Variants in PEAK1 observed in about 807,000 individuals in gnomAD.
PEAK1 encodes the protein pseudopodium enriched atypical kinase 1.
Under a neutral mutation model 124.7 loss-of-function variants are expected in PEAK1, and 54 were observed. The observed-to-expected ratio is 0.43, with a 90% CI of 0.35 to 0.54. The LOEUF is 0.54. Among genes scored for constraint, PEAK1 ranks in the 20% least tolerant of loss-of-function variants. The probability of loss-of-function intolerance (pLI) is 0.01; values close to 1 mark genes in which losing one functional copy is unlikely to be tolerated. For synonymous variants in PEAK1, 719 were observed against 760.0 expected (o/e 0.95, Z 0.89); for missense variants, 2,046 against 2,134.5 (o/e 0.96, Z 0.82).
intron 1 of PEAK1, among the ~76,000 whole-genome samples, chr15:77,400,630 T>A (rs1283300872): frequency 6.6e-6 from 1 of 152,162 alleles, no homozygotes; most frequent in Non-Finnish European, 1.5e-5. Flanking sequence ...CTCATGGGGA[T>A]GAATTTATCA....
intron 2 of PEAK1, among the ~76,000 whole-genome samples, chr15:77,362,931 C>G (rs1237368681): frequency 6.6e-6 from 1 of 152,176 alleles, no homozygotes; most frequent in Non-Finnish European, 1.5e-5. Flanking sequence ...TCTTGGCTCA[C>G]TGCAACCTCC....
intron 2 of PEAK1, chr15:77,352,497 G>A (rs897544173): frequency 3.1e-5 from 31 of 984,778 alleles, no homozygotes; most frequent in Non-Finnish European, 3.6e-5. Flanking sequence ...GAGAGAGCCT[G>A]GACATTTTGC....
At chr15:77,195,261 C>T (rs1442038970) in intron 6 of PEAK1, among the ~76,000 whole-genome samples, 1 of 152,054 alleles carries the variant, frequency 6.6e-6, no homozygotes, top group Non-Finnish European at 1.5e-5. Context: ...CTTTGGCCAA[C>T]TAGAATTCAT....
At chr15:77,143,398 AGAGAGATGTTTTT>A (rs772670816) in intron 8 of PEAK1, among the ~76,000 whole-genome samples, 17 of 152,262 alleles carry the variant, frequency 1.1e-4, no homozygotes, top group Non-Finnish European at 1.9e-4. Flanking sequence ...ACAAACCACT[AGAGAGATGTTTTT>A]CAAACGCCAA....
At chr15:77,419,713 G>C in intron 1 of PEAK1, 1 of 970,764 alleles carries the variant, frequency 1.0e-6, no homozygotes, top group Non-Finnish European at 1.2e-6. Context: ...CCTCTGGGGG[G>C]CGTCGCGCTC....
intron 2 of PEAK1, among the ~76,000 whole-genome samples, chr15:77,309,636 T>A (rs1161099092): frequency 6.6e-6 from 1 of 152,152 alleles, no homozygotes; most frequent in Non-Finnish European, 1.5e-5. Context: ...TTCCTTCAAC[T>A]ATCCTCTGTC....
At chr15:77,176,643 A>G (rs2056894663) in intron 7 of PEAK1, among the ~76,000 whole-genome samples, 1 of 152,226 alleles carries the variant, frequency 6.6e-6, no homozygotes, top group African/African-American at 2.4e-5. Context: ...AAACGGATAC[A>G]TTTTGGAAGA....
At chr15:77,115,878 T>C (rs2051324524) in intron 9 of PEAK1, among the ~76,000 whole-genome samples, 1 of 152,200 alleles carries the variant, frequency 6.6e-6, no homozygotes, top group East Asian at 1.9e-4. Context: ...AACTTTTCAA[T>C]GAATGTCATT....
intron 2 of PEAK1, among the ~76,000 whole-genome samples, chr15:77,301,405 C>A (rs755465640): frequency 1.8e-4 from 27 of 152,174 alleles, no homozygotes; most frequent in Non-Finnish European, 3.8e-4. Flanking sequence ...TGCAGAGGCA[C>A]TTTTTACAAA....
intron 9 of PEAK1, among the ~76,000 whole-genome samples, chr15:77,123,562 A>G (rs1180016100): frequency 6.6e-6 from 1 of 152,140 alleles, no homozygotes; most frequent in African/African-American, 2.4e-5. Flanking sequence ...TTAGTTTCCC[A>G]CTGTGTAGAA....
At chr15:77,348,265 C>T (rs1213109888) in intron 2 of PEAK1, 12 of 925,630 alleles carry the variant, frequency 1.3e-5, no homozygotes, top group Non-Finnish European at 1.5e-5. Flanking sequence ...TAGCGTACAA[C>T]ATCCCTGAGT....
chr15:77,228,031 T>C (rs537047302), intron 6 of PEAK1, among the ~76,000 whole-genome samples: 1 of 152,166 alleles, frequency 6.6e-6, no homozygotes, highest in East Asian at 1.9e-4. Context: ...ATATTCTACA[T>C]ATATATTTTA....
At position 77,110,146 on chromosome 15, in the gene PEAK1, G is replaced by C. The variant is rs1441464818; in HGVS notation, c.*4010C>G. On this transcript the variant is annotated 3_prime_UTR_variant, in exon 10 of 10. Coordinates refer to ENST00000682557, the MANE Select transcript of PEAK1 (RefSeq NM_001385026.1). ...GTTGCTCAATCTCCCAGGCTGGAGT[G>C]CGATGGCGTGATCTTGGCTCACTGC... is the stretch of plus-strand genomic sequence containing the variant. The C allele has an allele frequency of 1.8e-4, 27 of 152,194 alleles. No homozygotes were observed. The highest frequency in any genetic ancestry group is 1.5e-5 in the Non-Finnish European group (1 of 68,048). 9.4% of individuals were successfully genotyped at this position (152,194 alleles called of 1,614,324 possible).
chr15:77,135,416 A>AAAT (rs1488402605), intron 8 of PEAK1, among the ~76,000 whole-genome samples: 1 of 152,178 alleles, frequency 6.6e-6, no homozygotes, highest in Non-Finnish European at 1.5e-5. Flanking sequence ...AATTACGCAA[A>AAAT]AATCATAGAG....
In PEAK1 at chr15:77,335,501, G is replaced by C. The variant is rs1031514624; in HGVS notation, c.-603+29662C>G. 3.0e-6 allele frequency: 3 copies of C among 984,936 alleles called. No homozygotes were observed. The African/African-American group carries it at 5.2e-5, about 17-fold the overall frequency. 61.0% of individuals were successfully genotyped at this position (984,936 alleles called of 1,614,324 possible). The stretch of plus-strand genomic sequence containing the variant: ...TGATGCTTACTACTTTGTTTCAAGA[G>C]ACAGGGTCTGGCTTGTTGCCCAGGT... On this transcript the variant is annotated intron_variant, in intron 2 of 9. Transcript: ENST00000682557.
At chr15:77,255,280 G>T in intron 5 of PEAK1, 1 of 756,064 alleles carries the variant, frequency 1.3e-6, no homozygotes. Flanking sequence ...TAACAACAAT[G>T]AAATAACAAT....
In PEAK1 at chr15:77,109,988, A is replaced by C. The variant is rs2152704323; in HGVS notation, c.*4168T>G. 1 of 152,372 alleles carries C rather than the reference A, an allele frequency of 6.6e-6. No homozygotes were observed. Among genetic ancestry groups the C allele is most frequent in the South Asian group, 2.1e-4 (1 of 4,830 alleles). The allele number at this position is 152,372 out of a possible 1,614,324, so 9.4% of individuals were successfully genotyped here. ...CTAGAAGAAATCCTAATTGCAGTCA[A>C]ATCTAGCGAAAACCCTAATTCCAGC... On this transcript the variant is annotated 3_prime_UTR_variant, in exon 10 of 10. Transcript: ENST00000682557.
chr15:77,321,356 C>T (rs1193400027), intron 2 of PEAK1, among the ~76,000 whole-genome samples: 1 of 152,184 alleles, frequency 6.6e-6, no homozygotes, highest in East Asian at 1.9e-4. Flanking sequence ...GCCATTCTAA[C>T]TGGTGTGAGA....
At chr15:77,368,090 C>T (rs1471416488) in intron 1 of PEAK1, among the ~76,000 whole-genome samples, 3 of 152,054 alleles carry the variant, frequency 2.0e-5, no homozygotes, top group African/African-American at 7.3e-5. Flanking sequence ...AAATTTTCTA[C>T]AGTGTTTAAT....
Sources: gnomAD v4.1 joint callset for allele counts (sites outside exome capture counted in the v4.1 genomes callset) on GRCh38, gnomAD v4.1.1 for gene constraint, MANE v1.5 for transcripts, NCBI Gene and HGNC (gene_info 2026-07-23, HGNC 2026-07-21) for gene names.